Variants in PRCP observed in about 807,000 individuals in gnomAD.
PRCP encodes the protein lysosomal Pro-X carboxypeptidase.
Under a neutral mutation model 54.2 loss-of-function variants are expected in PRCP, and 46 were observed. The ratio of observed to expected loss-of-function variants is 0.85; its 90% CI spans 0.67 to 1.09. The LOEUF (loss-of-function observed/expected upper bound fraction) is 1.09, where lower values mean the gene tolerates loss of function less well. Ranked by LOEUF, PRCP falls within the 50% of genes least tolerant of loss-of-function variation. The pLI is 0.00. For synonymous variants in PRCP, 240 were observed against 212.2 expected (o/e 1.13, Z -1.14); for missense variants, 613 against 596.8 (o/e 1.03, Z -0.28).
chr11:82,895,206 A>G (rs1855923838), intron 1 of PRCP, among the ~76,000 whole-genome samples: 1 of 152,206 alleles, frequency 6.6e-6, no homozygotes, highest in Non-Finnish European at 1.5e-5. Flanking sequence ...AGGTAATATA[A>G]TTATCTCCAT....
chr11:82,900,186 G>A (rs7939178), intron 1 of PRCP, 49 bp downstream of exon 1: 45,924 of 1,600,460 alleles, frequency 0.029, 2,535 homozygotes, highest in African/African-American at 0.21. Context: ...TGAGGGTCAG[G>A]GTTCCCGGCG....
intron 6 of PRCP, chr11:82,843,388 A>G (rs533455017): frequency 6.6e-6 from 1 of 152,376 alleles, no homozygotes; most frequent in South Asian, 2.1e-4. Flanking sequence ...CATAAAATAC[A>G]TAAATATTAA....
At chr11:82,877,516 G>A (rs1214796514) in intron 1 of PRCP, among the ~76,000 whole-genome samples, 1 of 152,190 alleles carries the variant, frequency 6.6e-6, no homozygotes, top group Non-Finnish European at 1.5e-5. Flanking sequence ...TAGGGACTGG[G>A]TGCCCTGTGT....
intron 1 of PRCP, among the ~76,000 whole-genome samples, chr11:82,886,537 G>A (rs1411712935): frequency 1.3e-5 from 2 of 152,106 alleles, no homozygotes; most frequent in Non-Finnish European, 2.9e-5. Context: ...TCCTACCTCA[G>A]CCTCTCAAAG....
chr11:82,852,785 A>G (rs1858987517), intron 3 of PRCP, among the ~76,000 whole-genome samples: 1 of 152,238 alleles, frequency 6.6e-6, no homozygotes, highest in African/African-American at 2.4e-5. Context: ...TTTTATTAAA[A>G]ACATCTTATC....
intron 2 of PRCP, among the ~76,000 whole-genome samples, chr11:82,855,081 G>A (rs188820744): frequency 8.5e-5 from 13 of 152,200 alleles, no homozygotes; most frequent in African/African-American, 3.1e-4. Context: ...AAAAACCCCA[G>A]AAGAAAACTG....
intron 6 of PRCP, among the ~76,000 whole-genome samples, chr11:82,843,568 T>G (rs1178266178): frequency 1.2e-5 from 1 of 84,960 alleles, no homozygotes; most frequent in Non-Finnish European, 2.4e-5. Flanking sequence ...GGCTGTGATA[T>G]AATCAGACAA....
chr11:82,849,270 T>C, intron 5 of PRCP, 52 bp from the exon 6 acceptor site: 2 of 1,565,400 alleles, frequency 1.3e-6, no homozygotes, highest in South Asian at 1.1e-5. Flanking sequence ...TCAACAGATG[T>C]CTTTACAGAT....
intron 1 of PRCP, among the ~76,000 whole-genome samples, chr11:82,898,215 G>A (rs1043271258): frequency 6.6e-6 from 1 of 152,166 alleles, no homozygotes; most frequent in Admixed American, 6.5e-5. Context: ...CGTGGAATCT[G>A]TATCCTAAAA....
At chr11:82,886,180 T>C (rs1035121570) in intron 1 of PRCP, among the ~76,000 whole-genome samples, 3 of 152,240 alleles carry the variant, frequency 2.0e-5, no homozygotes, top group Non-Finnish European at 4.4e-5. Context: ...TGTCCAAAAT[T>C]ACCCAACCTG....
chr11:82,874,709 AG>A (rs376851199), intron 1 of PRCP, among the ~76,000 whole-genome samples: 3 of 150,478 alleles, frequency 2.0e-5, no homozygotes, highest in Non-Finnish European at 3.0e-5. Flanking sequence ...AAAAAAAAAA[AG>A]AAAAAAAAGA....
rs563092833 is a variant in PRCP, at chr11:82,863,517, T to G, written c.169-3400A>C. Among the ~76,000 whole-genome samples the G allele has an allele frequency of 5.3e-5, 8 of 152,318 alleles. No homozygotes were observed. In the South Asian group the frequency reaches 1.7e-3, roughly 32 times the overall value. ...GGCTCTCTAACAAGATGCCTTCCCA[T>G]GAGATTCTTGAAGATAATTTTGCCC... On this transcript the variant is annotated intron_variant, in intron 1 of 8. Transcript: ENST00000313010.
At chr11:82,831,259 G>A (rs947851241) in intron 8 of PRCP, 1 of 151,710 alleles carries the variant, frequency 6.6e-6, no homozygotes, top group African/African-American at 2.4e-5. Context: ...CCTACAAGTT[G>A]GGAAAGACAA....
rs570204137 is a variant in PRCP at position 82,888,901 on chromosome 11, A to C, written c.168+11334T>G. On this transcript the variant is annotated intron_variant, in intron 1 of 8. Transcript: ENST00000313010. ...ATAATACTCTAGGAAAAACAATGTC[A>C]CATGTGCTATGGAGGAGTATGGATG... 8.2e-4 allele frequency among the ~76,000 whole-genome samples: 125 copies of C among 152,326 alleles called. 1 individual carries two copies. Among genetic ancestry groups the C allele is most frequent in the Middle Eastern group, 3.4e-3 (1 of 294 alleles).
intron 6 of PRCP, among the ~76,000 whole-genome samples, chr11:82,846,672 A>G (rs144903714): frequency 5.3e-4 from 81 of 152,374 alleles, no homozygotes; most frequent in African/African-American, 1.9e-3. Context: ...TATATAAAGC[A>G]TAAAAGGATT....
chr11:82,828,074 C>T (rs1394275442), intron 8 of PRCP: 1 of 152,124 alleles, frequency 6.6e-6, no homozygotes, highest in Non-Finnish European at 1.5e-5. Flanking sequence ...GTTTACAAAG[C>T]CTTTCACATT....
At chr11:82,851,617 C>G (rs1397577615) in intron 3 of PRCP, among the ~76,000 whole-genome samples, 2 of 151,654 alleles carry the variant, frequency 1.3e-5, no homozygotes, top group African/African-American at 4.8e-5. Context: ...TAATTCTTCA[C>G]CCATGGAAAC....
intron 8 of PRCP, among the ~76,000 whole-genome samples, chr11:82,833,171 C>A (rs1858430384): frequency 1.3e-5 from 2 of 152,114 alleles, no homozygotes; most frequent in African/African-American, 2.4e-5. Flanking sequence ...GCTAAAGATA[C>A]AGAGATGATT....
At chr11:82,846,241 T>C (rs1858806046) in intron 6 of PRCP, 1 of 151,892 alleles carries the variant, frequency 6.6e-6, no homozygotes, top group South Asian at 2.1e-4. Flanking sequence ...AGTCCCCAAC[T>C]GGGTAGTGTT....
Sources: allele counts gnomAD v4.1 joint callset (sites outside exome capture counted in the v4.1 genomes callset), GRCh38; gene constraint gnomAD v4.1.1; transcripts MANE v1.5; gene names NCBI Gene and HGNC (gene_info 2026-07-23, HGNC 2026-07-21).